The following MYO9A variants were observed in gnomAD, a reference collection of about 807,000 sequenced individuals.
MYO9A encodes the protein unconventional myosin-IXa.
A neutral mutation model predicts 293.3 loss-of-function variants in MYO9A; 103 were observed. The ratio of observed to expected loss-of-function variants is 0.35; its 90% CI spans 0.30 to 0.41. MYO9A has a LOEUF of 0.41. Ranked by LOEUF, MYO9A falls within the 10% of genes least tolerant of loss-of-function variation. The probability of loss-of-function intolerance (pLI) is 1.00; values close to 1 mark genes in which losing one functional copy is unlikely to be tolerated. For missense variants in MYO9A, 2,685 were observed against 3,033.0 expected, an observed-to-expected ratio of 0.89 and a Z score of 2.69; for synonymous variants, 1,001 against 1,035.7, an observed-to-expected ratio of 0.97 and a Z score of 0.64.
chr15:71,840,100 G>C (rs2055090664), intron 39 of MYO9A, among the ~76,000 whole-genome samples: 1 of 152,198 alleles, frequency 6.6e-6, no homozygotes, highest in Non-Finnish European at 1.5e-5. Flanking sequence ...ATCTGGAGAA[G>C]TAATTTATAA....
At chr15:72,073,910 T>G (rs1193342752) in intron 1 of MYO9A, among the ~76,000 whole-genome samples, 1 of 152,178 alleles carries the variant, frequency 6.6e-6, no homozygotes, top group African/African-American at 2.4e-5. Context: ...CATTGGGATT[T>G]AATCATGGTC....
chr15:71,979,116 ATTC>A (rs35479666), intron 11 of MYO9A, among the ~76,000 whole-genome samples: 1,950 of 152,210 alleles, frequency 0.013, 16 homozygotes, highest in East Asian at 0.024. Context: ...TGATTTTGAA[ATTC>A]TTTTTTGTTG....
intron 15 of MYO9A, among the ~76,000 whole-genome samples, chr15:71,942,494 C>G (rs1716767334): frequency 6.6e-6 from 1 of 151,926 alleles, no homozygotes; most frequent in African/African-American, 2.4e-5. Flanking sequence ...ATTGATACAT[C>G]TGGAATTTTT....
intron 1 of MYO9A, among the ~76,000 whole-genome samples, chr15:72,103,475 AGCAGAAGCAGC>A (rs979187710): frequency 1.5e-4 from 23 of 151,842 alleles, no homozygotes; most frequent in African/African-American, 2.2e-4. Context: ...CAGCAGCAGA[AGCAGAAGCAGC>A]GCAGAAGCAG....
At chr15:71,879,870 T>C in intron 29 of MYO9A, 33 bp from the exon 30 acceptor site, 1 of 1,379,770 alleles carries the variant, frequency 7.2e-7, no homozygotes, top group Non-Finnish European at 1.0e-6. Context: ...TAGTACACAA[T>C]CAACTAATTG....
rs556418118 is a variant in MYO9A at position 72,049,058 on chromosome 15, T to C, written c.-71-2424A>G. Among the ~76,000 whole-genome samples the C allele has an allele frequency of 2.2e-4, 34 of 152,360 alleles. 2 individuals are homozygous for C. In the South Asian group the frequency reaches 5.6e-3, roughly 25 times the overall value. ...TGTCATCCAGACGGAACTGCTCTTATGGTTATTTCATATCTTCCTTAGCAT... is the reference window on the plus strand; with the variant it reads ...TGTCATCCAGACGGAACTGCTCTTACGGTTATTTCATATCTTCCTTAGCAT... On this transcript the variant is annotated intron_variant, in intron 1 of 41. Transcript: ENST00000356056.
chr15:72,077,679 A>G (rs1390531497), intron 1 of MYO9A, among the ~76,000 whole-genome samples: 1 of 148,810 alleles, frequency 6.7e-6, no homozygotes, highest in Non-Finnish European at 1.5e-5. Flanking sequence ...GCAGTGAGCC[A>G]AGATCATGCC....
At chr15:71,849,173 A>G (rs2055523721) in intron 38 of MYO9A, among the ~76,000 whole-genome samples, 1 of 152,172 alleles carries the variant, frequency 6.6e-6, no homozygotes, top group Non-Finnish European at 1.5e-5. Context: ...GTTATGGCTG[A>G]GCACAGTGGT....
At chr15:71,952,043 A>C in intron 14 of MYO9A, 147 bp from the exon 15 acceptor site, 1 of 797,188 alleles carries the variant, frequency 1.3e-6, no homozygotes. Context: ...TTATATGTGA[A>C]TGTCCAATTA....
intron 14 of MYO9A, 76 bp downstream of exon 14, chr15:71,959,825 C>CTT: frequency 1.5e-6 from 2 of 1,323,968 alleles, no homozygotes; most frequent in Non-Finnish European, 2.0e-6. Context: ...AATTCTACTC[C>CTT]TTTTTGTGGA....
chr15:71,897,213 A>C (rs531441086), intron 25 of MYO9A: 60 of 470,252 alleles, frequency 1.3e-4, no homozygotes, highest in African/African-American at 1.1e-3. Context: ...CCCTTCACAA[A>C]TGCTTCTCAC....
intron 33 of MYO9A, among the ~76,000 whole-genome samples, chr15:71,860,969 C>CAAAAAAAAAAAAAAAAAAAAAAAAA (rs61030744): frequency 4.9e-4 from 16 of 32,412 alleles, no homozygotes; most frequent in South Asian, 1.4e-3. Flanking sequence ...TCCATCTCAC[C>CAAAAAAAAAAAAAAAAAAAAAAAAA]AAAAAAAAAA....
intron 1 of MYO9A, among the ~76,000 whole-genome samples, chr15:72,076,749 G>A (rs2079365200): frequency 6.6e-6 from 1 of 151,956 alleles, no homozygotes; most frequent in African/African-American, 2.4e-5. Flanking sequence ...AACTTATATC[G>A]TTTATATGGA....
intron 1 of MYO9A, among the ~76,000 whole-genome samples, chr15:72,099,092 G>A (rs1045589602): frequency 2.6e-5 from 4 of 152,090 alleles, no homozygotes; most frequent in Non-Finnish European, 2.9e-5. Context: ...CCAGAAGTTC[G>A]AGATCAACCC....
intron 1 of MYO9A, among the ~76,000 whole-genome samples, chr15:72,065,498 A>T (rs2078994085): frequency 2.0e-5 from 3 of 150,706 alleles, no homozygotes; most frequent in Non-Finnish European, 4.4e-5. Context: ...CTGGGCAACA[A>T]GAGCAAAACT....
At chr15:71,943,985 A>G (rs549869879) in intron 15 of MYO9A, among the ~76,000 whole-genome samples, 9 of 152,234 alleles carry the variant, frequency 5.9e-5, no homozygotes, top group African/African-American at 2.2e-4. Flanking sequence ...GTGCCAAGAG[A>G]CAGTAGGAGA....
At chr15:72,063,328 AT>A (rs1320980086) in intron 1 of MYO9A, among the ~76,000 whole-genome samples, 1 of 152,224 alleles carries the variant, frequency 6.6e-6, no homozygotes, top group African/African-American at 2.4e-5. Context: ...TCTCTAGGAC[AT>A]TAGTCTGGGC....
At chr15:71,998,341 G>A (rs1014999622) in intron 9 of MYO9A, among the ~76,000 whole-genome samples, 1 of 152,042 alleles carries the variant, frequency 6.6e-6, no homozygotes, top group Non-Finnish European at 1.5e-5. Context: ...AGTAACTAAC[G>A]GGTAGTAGGC....
intron 2 of MYO9A, among the ~76,000 whole-genome samples, chr15:72,037,407 A>T (rs2078086731): frequency 1.3e-5 from 2 of 152,258 alleles, no homozygotes; most frequent in South Asian, 4.1e-4. Flanking sequence ...TGCCCAGGAT[A>T]TGTCGATGCT....
Sources: allele counts gnomAD v4.1 joint callset (sites outside exome capture counted in the v4.1 genomes callset), GRCh38; gene constraint gnomAD v4.1.1; transcripts MANE v1.5; gene names NCBI Gene and HGNC (gene_info 2026-07-23, HGNC 2026-07-21).